DSCAML1: variants seen among roughly 807,000 people sequenced by gnomAD.
DSCAML1 encodes the protein DS cell adhesion molecule like 1.
Under a neutral mutation model 200.5 loss-of-function variants are expected in DSCAML1, and 38 were observed. That is an observed-to-expected ratio of 0.19 (90% CI 0.15 to 0.25). The LOEUF (loss-of-function observed/expected upper bound fraction) is 0.25, where lower values mean the gene tolerates loss of function less well. Ranked by LOEUF, DSCAML1 falls within the 10% of genes least tolerant of loss-of-function variation. The probability of loss-of-function intolerance (pLI) is 1.00; values close to 1 mark genes in which losing one functional copy is unlikely to be tolerated. For synonymous variants in DSCAML1, 1,215 were observed against 1,165.0 expected, an observed-to-expected ratio of 1.04 and a Z score of -0.87; for missense variants, 2,223 against 2,858.8, an observed-to-expected ratio of 0.78 and a Z score of 5.07.
At chr11:117,724,227 C>T (rs1227454022) in intron 3 of DSCAML1, among the ~76,000 whole-genome samples, 1 of 152,320 alleles carries the variant, frequency 6.6e-6, no homozygotes, top group Non-Finnish European at 1.5e-5. Context: ...ATGTCAATCA[C>T]TCAGGGGCAG....
intron 3 of DSCAML1, among the ~76,000 whole-genome samples, chr11:117,765,039 T>C (rs1173648607): frequency 6.6e-6 from 1 of 152,158 alleles, no homozygotes; most frequent in African/African-American, 2.4e-5. Context: ...TTCTGGCAGA[T>C]CCTGTGACCC....
At chr11:117,482,532 C>G (rs1050083580) in intron 11 of DSCAML1, among the ~76,000 whole-genome samples, 1 of 152,168 alleles carries the variant, frequency 6.6e-6, no homozygotes, top group African/African-American at 2.4e-5. Flanking sequence ...AGTATGTGTT[C>G]TTTACTACTC....
chr11:117,762,868 G>GTAATAA (rs58166401), intron 3 of DSCAML1, among the ~76,000 whole-genome samples: 3,818 of 146,636 alleles, frequency 0.026, 154 homozygotes, highest in African/African-American at 0.086. Context: ...GTCTCAAATA[G>GTAATAA]TAATAATAAT....
At chr11:117,739,619 C>T (rs1181478859) in intron 3 of DSCAML1, among the ~76,000 whole-genome samples, 1 of 152,224 alleles carries the variant, frequency 6.6e-6, no homozygotes, top group Non-Finnish European at 1.5e-5. Flanking sequence ...CCCACTAGAA[C>T]CCCACAGTGG....
intron 3 of DSCAML1, among the ~76,000 whole-genome samples, chr11:117,774,031 C>T (rs1036040058): frequency 1.3e-5 from 2 of 152,196 alleles, no homozygotes; most frequent in East Asian, 1.9e-4. Context: ...CTACAGGGGC[C>T]GCCTGGGGGA....
At chr11:117,732,168 A>G (rs61903854) in intron 3 of DSCAML1, among the ~76,000 whole-genome samples, 24 of 152,246 alleles carry the variant, frequency 1.6e-4, no homozygotes, top group Non-Finnish European at 3.5e-4. Context: ...GTGAATGCTG[A>G]TGAGCCTCCA....
intron 3 of DSCAML1, among the ~76,000 whole-genome samples, chr11:117,610,444 C>T (rs2051665659): frequency 6.6e-6 from 1 of 152,050 alleles, no homozygotes; most frequent in Non-Finnish European, 1.5e-5. Flanking sequence ...CAAACAGAGA[C>T]CTTGACAAGG....
chr11:117,665,748 C>T (rs1355981333), intron 3 of DSCAML1, among the ~76,000 whole-genome samples: 3 of 152,178 alleles, frequency 2.0e-5, no homozygotes, highest in African/African-American at 7.2e-5. Flanking sequence ...ATAATCCCAA[C>T]GGCCTCAGTC....
chr11:117,482,421 C>A (rs2048947588), intron 11 of DSCAML1, among the ~76,000 whole-genome samples: 1 of 152,130 alleles, frequency 6.6e-6, no homozygotes, highest in Non-Finnish European at 1.5e-5. Context: ...TACAGGTATG[C>A]CATACATAGA....
At chr11:117,694,497 A>G (rs2053554747) in intron 3 of DSCAML1, among the ~76,000 whole-genome samples, 1 of 152,150 alleles carries the variant, frequency 6.6e-6, no homozygotes, top group Admixed American at 6.5e-5. Context: ...TAAGGTTTAT[A>G]GAGCGCCTAC....
chr11:117,669,388 A>C (rs1232378777), intron 3 of DSCAML1, among the ~76,000 whole-genome samples: 6 of 152,194 alleles, frequency 3.9e-5, no homozygotes. Context: ...GAGACCTTCA[A>C]GGTCCCCATC....
chr11:117,439,616 G>A (rs541779967), intron 22 of DSCAML1, among the ~76,000 whole-genome samples, 187 bp from the exon 23 acceptor site: 10 of 152,250 alleles, frequency 6.6e-5, no homozygotes, highest in African/African-American at 1.2e-4. Flanking sequence ...ACCATCCGGG[G>A]AAGGGAGGTC....
intron 3 of DSCAML1, among the ~76,000 whole-genome samples, chr11:117,594,527 T>C (rs2051323835): frequency 6.6e-6 from 1 of 152,244 alleles, no homozygotes; most frequent in Non-Finnish European, 1.5e-5. Context: ...CAGTCAGGTC[T>C]GCCCTCTGGG....
intron 8 of DSCAML1, among the ~76,000 whole-genome samples, chr11:117,508,129 C>T (rs1309541413): frequency 6.6e-6 from 1 of 152,134 alleles, no homozygotes; most frequent in Non-Finnish European, 1.5e-5. Flanking sequence ...TTTCCTTAGG[C>T]CTAGAAGAAC....
At chr11:117,696,464 T>C (rs532998424) in intron 3 of DSCAML1, among the ~76,000 whole-genome samples, 3 of 152,338 alleles carry the variant, frequency 2.0e-5, no homozygotes, top group Admixed American at 2.0e-4. Flanking sequence ...ATGTGCTCTT[T>C]GAAGATTATT....
At chr11:117,612,039 G>C (rs896282492) in intron 3 of DSCAML1, 1 of 152,278 alleles carries the variant, frequency 6.6e-6, no homozygotes, top group Admixed American at 6.5e-5. Context: ...CACACACAGG[G>C]TGTGACGTGT....
In DSCAML1 at chr11:117,428,606, C is replaced by G. The variant is rs532349976; in HGVS notation, c.5884G>C (p.Ala1962Pro). 1 of 1,604,174 alleles carries G rather than the reference C, an allele frequency of 6.2e-7. No homozygotes were observed. The highest frequency in any genetic ancestry group is 1.1e-5 in the South Asian group (1 of 89,210). Residue 1962 changes from alanine to proline, a missense_variant, in exon 33 of 33, where the codon GCT becomes CCT. Coordinates refer to ENST00000651296, the MANE Select transcript of DSCAML1 (RefSeq NM_020693.4). Reference protein sequence around the residue: ...SLGLPHPGAPAAASTATLPQR... With the variant: ...SLGLPHPGAPPAASTATLPQR... ...GGTAAGGTGGCTGTGGAGGCGGCAG[C>G]GGGGGCCCCTGGGTGGGGAAGGCCC...
chr11:117,713,183 A>G (rs7950969), intron 3 of DSCAML1, among the ~76,000 whole-genome samples: 21,107 of 151,568 alleles, frequency 0.14, 2,465 homozygotes, highest in African/African-American at 0.32. Flanking sequence ...TGCGACCTCC[A>G]CCTTCTGGGT....
At chr11:117,593,419 C>G (rs1397134227) in intron 3 of DSCAML1, among the ~76,000 whole-genome samples, 3 of 152,226 alleles carry the variant, frequency 2.0e-5, no homozygotes, top group Non-Finnish European at 2.9e-5. Flanking sequence ...TGCGGCCTCC[C>G]TCATTAAAGC....
Sources: allele counts gnomAD v4.1 joint callset (sites outside exome capture counted in the v4.1 genomes callset), GRCh38; gene constraint gnomAD v4.1.1; transcripts MANE v1.5; gene names NCBI Gene and HGNC (gene_info 2026-07-23, HGNC 2026-07-21).